Variants in KIF5C observed in about 807,000 individuals in gnomAD.
The protein encoded by KIF5C is kinesin family member 5C, also known as kinesin heavy chain isoform 5C.
Under a neutral mutation model 125.2 loss-of-function variants are expected in KIF5C, and 18 were observed. The ratio of observed to expected loss-of-function variants is 0.14; its 90% CI spans 0.10 to 0.21. The LOEUF (loss-of-function observed/expected upper bound fraction) is 0.21, where lower values mean the gene tolerates loss of function less well. KIF5C is among the 10% of genes least tolerant of loss of function. The probability of loss-of-function intolerance (pLI) is 1.00; values close to 1 mark genes in which losing one functional copy is unlikely to be tolerated. For missense variants in KIF5C, 780 were observed against 1,183.8 expected, an observed-to-expected ratio of 0.66 and a Z score of 5.01; for synonymous variants, 405 against 434.0, an observed-to-expected ratio of 0.93 and a Z score of 0.83.
At chr2:148,882,828 T>C (rs1294460214) in intron 1 of KIF5C, among the ~76,000 whole-genome samples, 1 of 152,196 alleles carries the variant, frequency 6.6e-6, no homozygotes, top group African/African-American at 2.4e-5. Flanking sequence ...AGTAGAGCAT[T>C]TCATTTATTT....
intron 1 of KIF5C, among the ~76,000 whole-genome samples, chr2:148,896,559 C>T (rs188944783): frequency 5.3e-5 from 8 of 152,094 alleles, no homozygotes; most frequent in Admixed American, 3.3e-4. Flanking sequence ...GAATCCCAGG[C>T]GAATGTTTTG....
intron 8 of KIF5C, chr2:148,947,330 G>C: frequency 3.3e-6 from 1 of 299,716 alleles, no homozygotes; most frequent in Admixed American, 4.8e-5. Context: ...CTGCACACAT[G>C]TGGGAGGGAT....
At chr2:148,983,983 G>T (rs890461334) in intron 15 of KIF5C, among the ~76,000 whole-genome samples, 2 of 152,192 alleles carry the variant, frequency 1.3e-5, no homozygotes, top group African/African-American at 4.8e-5. Context: ...TCAAATCTAG[G>T]CAGTGTCTTC....
intron 1 of KIF5C, among the ~76,000 whole-genome samples, chr2:148,895,775 G>T (rs1203344961): frequency 1.3e-5 from 2 of 151,674 alleles, no homozygotes; most frequent in Non-Finnish European, 2.9e-5. Context: ...TTCTGGTGAG[G>T]GCTATCTTCC....
intron 10 of KIF5C, among the ~76,000 whole-genome samples, chr2:148,960,844 T>G (rs959452875): frequency 1.3e-5 from 2 of 152,232 alleles, no homozygotes; most frequent in Admixed American, 6.5e-5. Flanking sequence ...AAAAAGTCAA[T>G]AGCAAATAAA....
chr2:148,931,362 G>A (rs1423234956), intron 3 of KIF5C, among the ~76,000 whole-genome samples: 8 of 152,154 alleles, frequency 5.3e-5, no homozygotes, highest in African/African-American at 1.4e-4. Context: ...ATGGATGTAG[G>A]GTGATGGCAA....
chr2:149,009,765 G>C (rs1224862839), intron 23 of KIF5C, among the ~76,000 whole-genome samples: 2 of 152,170 alleles, frequency 1.3e-5, no homozygotes. Flanking sequence ...CCGACTTTAA[G>C]TGTTTCAGCT....
chr2:148,882,726 C>T (rs1044260275), intron 1 of KIF5C, among the ~76,000 whole-genome samples: 2 of 152,310 alleles, frequency 1.3e-5, no homozygotes, highest in East Asian at 3.9e-4. Context: ...CCTCCTCTGA[C>T]ACTTTTTCTG....
intron 2 of KIF5C, among the ~76,000 whole-genome samples, chr2:148,925,224 A>G (rs1681943547): frequency 6.6e-6 from 1 of 152,196 alleles, no homozygotes; most frequent in African/African-American, 2.4e-5. Context: ...TGCTTGGACA[A>G]CTTGGAGCGG....
chr2:148,902,604 A>C (rs1680949154), intron 1 of KIF5C, among the ~76,000 whole-genome samples: 1 of 152,236 alleles, frequency 6.6e-6, no homozygotes, highest in Non-Finnish European at 1.5e-5. Flanking sequence ...GGCATGAGCC[A>C]CTGCCCTCGG....
chr2:148,974,801 C>T (rs949793350), intron 12 of KIF5C, among the ~76,000 whole-genome samples: 54 of 152,192 alleles, frequency 3.5e-4, no homozygotes, highest in African/African-American at 9.6e-4. Context: ...TTTTAGTAAT[C>T]GCAGAGAATC....
At chr2:148,935,997 A>T (rs1296629892) in intron 3 of KIF5C, among the ~76,000 whole-genome samples, 2 of 152,192 alleles carry the variant, frequency 1.3e-5, no homozygotes, top group Non-Finnish European at 2.9e-5. Flanking sequence ...GCTTTGCTGG[A>T]GGCCAGACTG....
At chr2:148,920,611 G>T (rs1256155931) in intron 1 of KIF5C, among the ~76,000 whole-genome samples, 1 of 152,194 alleles carries the variant, frequency 6.6e-6, no homozygotes, top group Non-Finnish European at 1.5e-5. Flanking sequence ...AGACCAAATG[G>T]AAGTAGCTCC....
At chr2:148,993,029 C>A (rs1681568892) in intron 16 of KIF5C, among the ~76,000 whole-genome samples, 6 of 152,216 alleles carry the variant, frequency 3.9e-5, no homozygotes, top group Admixed American at 3.9e-4. Flanking sequence ...CCGGTGTGAA[C>A]TGATGGAACT....
intron 1 of KIF5C, 87 bp from the exon 2 acceptor site, chr2:148,922,050 C>A: frequency 2.5e-6 from 2 of 809,408 alleles, no homozygotes; most frequent in Non-Finnish European, 3.9e-6. Flanking sequence ...GTGCCTATGG[C>A]CTAGCTACTA....
chr2:148,907,844 G>T (rs573453315), intron 1 of KIF5C, among the ~76,000 whole-genome samples: 1 of 152,164 alleles, frequency 6.6e-6, no homozygotes, highest in Non-Finnish European at 1.5e-5. Context: ...AGTGGTTAGC[G>T]ACCCGGGACA....
In KIF5C at chr2:148,876,580, C is replaced by T. The variant is rs1344315200; in HGVS notation, c.126+837C>T. Reference sequence around the variant, plus strand: ...AGTTACTTCGTGCGGCTCGGACCCCCCTCCCTCTCTATCTCCCTTCCCCAC... The same window carrying T: ...AGTTACTTCGTGCGGCTCGGACCCCTCTCCCTCTCTATCTCCCTTCCCCAC... On this transcript the variant is annotated intron_variant, in intron 1 of 25. Coordinates refer to ENST00000435030, the MANE Select transcript of KIF5C (RefSeq NM_004522.3). The surrounding 1 kb of genome is among the most constrained non-coding windows in gnomAD (Gnocchi z 4.7). Among the ~76,000 whole-genome samples the T allele has an allele frequency of 1.3e-5, 2 of 152,114 alleles. No homozygotes were observed. The highest frequency in any genetic ancestry group is 4.8e-5 in the African/African-American group (2 of 41,436).
At chr2:148,980,634 A>G (rs536822572) in intron 13 of KIF5C, among the ~76,000 whole-genome samples, 1 of 152,176 alleles carries the variant, frequency 6.6e-6, no homozygotes, top group South Asian at 2.1e-4. Flanking sequence ...TGTAAGTGTT[A>G]TTCCTTGTCA....
intron 1 of KIF5C, among the ~76,000 whole-genome samples, chr2:148,882,690 C>T (rs142540648): frequency 5.3e-5 from 8 of 152,274 alleles, no homozygotes; most frequent in Non-Finnish European, 1.0e-4. Flanking sequence ...GGCATCCATT[C>T]GCCTTTAGAC....
Sources: gnomAD v4.1 joint callset for allele counts (sites outside exome capture counted in the v4.1 genomes callset) on GRCh38, gnomAD v4.1.1 for gene constraint, Gnocchi (gnomAD v3.1) non-coding constraint, MANE v1.5 for transcripts, NCBI Gene and HGNC (gene_info 2026-07-23, HGNC 2026-07-21) for gene names.